The following DIP2C variants were observed in gnomAD, a reference collection of about 807,000 sequenced individuals.
DIP2C encodes the protein DIP2 acetate--CoA ligase C (putative), also known as disco-interacting protein 2 homolog C.
Under a neutral mutation model 192.4 loss-of-function variants are expected in DIP2C, and 33 were observed. The ratio of observed to expected loss-of-function variants is 0.17; its 90% CI spans 0.13 to 0.23. DIP2C has a LOEUF of 0.23. Ranked by LOEUF, DIP2C falls within the 10% of genes least tolerant of loss-of-function variation. DIP2C has a pLI of 1.00. For missense variants in DIP2C, 1,537 were observed against 2,110.1 expected (o/e 0.73, Z 5.32); for synonymous variants, 979 against 864.1 (o/e 1.13, Z -2.33).
In DIP2C at chr10:421,827, A is replaced by G. The variant is rs1293605368; in HGVS notation, c.604+997T>C. On this transcript the variant is annotated intron_variant, in intron 5 of 36. Coordinates refer to ENST00000280886, the MANE Select transcript of DIP2C (RefSeq NM_014974.3). ...AGCAGCAGTTATTGGGAAAAGTGAG[A>G]CAGACCCAGCTCTCCTGCCAGCAAA... is the stretch of plus-strand genomic sequence containing the variant. 2.0e-5 allele frequency among the ~76,000 whole-genome samples: 3 copies of G among 152,286 alleles called. No individual in the cohort carries two copies. The East Asian group carries it at 5.8e-4, about 29-fold the overall frequency.
intron 4 of DIP2C, among the ~76,000 whole-genome samples, chr10:428,163 CAT>C (rs1966716852): frequency 1.3e-5 from 2 of 152,058 alleles, no homozygotes; most frequent in African/African-American, 2.4e-5. Context: ...GATTTTATAT[CAT>C]AAAATTCTAA....
At chr10:304,818 C>G (rs771072465) in intron 32 of DIP2C, among the ~76,000 whole-genome samples, 166 of 150,324 alleles carry the variant, frequency 1.1e-3, no homozygotes, top group Non-Finnish European at 2.0e-3. Context: ...TGGGAGTGCA[C>G]TTGCATTCTT....
Position 434,325 on chromosome 10 carries a change from G to A in DIP2C, c.394+6546C>T, listed in dbSNP as rs1019436187. On this transcript the variant is annotated intron_variant, in intron 4 of 36. Coordinates refer to ENST00000280886, the MANE Select transcript of DIP2C (RefSeq NM_014974.3). ...TCAAGGTCTTGCTCTGTTGCCCAGG[G>A]TGGAGTAGAGTGGCATCATTATAGC... is the stretch of plus-strand genomic sequence containing the variant. 1.2e-4 allele frequency among the ~76,000 whole-genome samples: 19 copies of A among 152,208 alleles called. No homozygotes were observed. The South Asian group carries it at 2.1e-3, about 17-fold the overall frequency.
chr10:336,872 C>CCTAGACTGGTGTGTGTGT (rs1957796893), intron 29 of DIP2C, among the ~76,000 whole-genome samples: 2 of 139,522 alleles, frequency 1.4e-5, no homozygotes, highest in African/African-American at 2.7e-5. Context: ...GGTGTGTGTG[C>CCTAGACTGGTGTGTGTGT]GCGTGTTGTG....
chr10:510,748 C>T (rs1452125544), intron 1 of DIP2C, among the ~76,000 whole-genome samples: 1 of 152,248 alleles, frequency 6.6e-6, no homozygotes, highest in Non-Finnish European at 1.5e-5. Context: ...CCTGCTGTTT[C>T]CAGCGCCTCC....
At chr10:294,529 G>T (rs969912189) in intron 32 of DIP2C, among the ~76,000 whole-genome samples, 6 of 151,826 alleles carry the variant, frequency 4.0e-5, no homozygotes, top group Non-Finnish European at 4.4e-5. Flanking sequence ...GTGAGGCAGA[G>T]GTCACAGTGA....
chr10:321,650 G>A (rs1957033537), intron 31 of DIP2C, among the ~76,000 whole-genome samples: 1 of 83,998 alleles, frequency 1.2e-5, no homozygotes, highest in Non-Finnish European at 2.2e-5. Flanking sequence ...CGAGAGACCG[G>A]CGCTGTTAGA....
chr10:488,467 A>G (rs1161369361), intron 1 of DIP2C, among the ~76,000 whole-genome samples: 1 of 152,192 alleles, frequency 6.6e-6, no homozygotes, highest in Non-Finnish European at 1.5e-5. Flanking sequence ...AGGACCACAA[A>G]TCTAAGACAA....
At chr10:632,443 T>C (rs1433457507) in intron 1 of DIP2C, among the ~76,000 whole-genome samples, 2 of 126,618 alleles carry the variant, frequency 1.6e-5, no homozygotes, top group East Asian at 2.4e-4. Context: ...CGGGCACCGG[T>C]GTGAACTCAG....
intron 1 of DIP2C, among the ~76,000 whole-genome samples, chr10:609,564 CCTTTAT>C (rs1473561323): frequency 6.6e-6 from 1 of 152,172 alleles, no homozygotes; most frequent in Non-Finnish European, 1.5e-5. Flanking sequence ...TAAGTCATCT[CCTTTAT>C]CTTTGACATG....
chr10:418,319 T>C (rs1240458317), intron 6 of DIP2C, among the ~76,000 whole-genome samples: 3 of 149,040 alleles, frequency 2.0e-5, no homozygotes, highest in African/African-American at 7.5e-5. Flanking sequence ...GGCCTCCCTG[T>C]CCACTGTGCC....
At chr10:311,595 A>AGAGAG (rs775393376) in intron 31 of DIP2C, 2 of 1,232,456 alleles carry the variant, frequency 1.6e-6, no homozygotes, top group African/African-American at 1.5e-5. Flanking sequence ...GAGGACGAGA[A>AGAGAG]GAGAGGAGAG....
At chr10:650,736 C>T in intron 1 of DIP2C, 3 of 640,230 alleles carry the variant, frequency 4.7e-6, no homozygotes, top group African/African-American at 1.8e-5. Context: ...GACCCCCCCT[C>T]ATGCTCACTT....
intron 1 of DIP2C, among the ~76,000 whole-genome samples, chr10:514,471 G>C (rs909252058): frequency 5.3e-5 from 8 of 152,168 alleles, no homozygotes; most frequent in African/African-American, 1.9e-4. Context: ...AACCCTGCAG[G>C]GCCGTTCGCA....
intron 7 of DIP2C, among the ~76,000 whole-genome samples, chr10:414,747 A>AATGTG (rs1189627847): frequency 5.0e-5 from 6 of 119,960 alleles, no homozygotes; most frequent in African/African-American, 1.6e-4. Flanking sequence ...GTGTACATAT[A>AATGTG]TATATATATA....
At chr10:288,731 C>G (rs1436723193) in intron 32 of DIP2C, among the ~76,000 whole-genome samples, 3 of 152,210 alleles carry the variant, frequency 2.0e-5, no homozygotes, top group Non-Finnish European at 4.4e-5. Flanking sequence ...ACACGGATTA[C>G]AGAGTTTCCT....
chr10:578,000 T>C (rs1850284618), intron 1 of DIP2C, among the ~76,000 whole-genome samples: 1 of 152,198 alleles, frequency 6.6e-6, no homozygotes, highest in Non-Finnish European at 1.5e-5. Context: ...TTCCCAAAGG[T>C]GTGGAAAACT....
In DIP2C at chr10:276,722, G is replaced by A. The variant is rs1164694794; in HGVS notation, c.*603C>T. The A allele has an allele frequency of 1.3e-5, 2 of 152,580 alleles. No homozygotes were observed. The highest frequency in any genetic ancestry group is 2.9e-5 in the Non-Finnish European group (2 of 68,108). 9.5% of individuals were successfully genotyped at this position (152,580 alleles called of 1,614,324 possible). ...TTTCTTCTCATTCTATACTAACTTC[G>A]AAGGCCGTATACCAGCCTTTGTTTC... On this transcript the variant is annotated 3_prime_UTR_variant, in exon 37 of 37. Transcript: ENST00000280886.
intron 1 of DIP2C, among the ~76,000 whole-genome samples, chr10:559,645 G>T (rs1291702405): frequency 6.6e-6 from 1 of 152,216 alleles, no homozygotes; most frequent in Non-Finnish European, 1.5e-5. Flanking sequence ...GCCCAGATGA[G>T]CTCAGGTTCT....
Sources: gnomAD v4.1 joint callset for allele counts (sites outside exome capture counted in the v4.1 genomes callset) on GRCh38, gnomAD v4.1.1 for gene constraint, MANE v1.5 for transcripts, NCBI Gene and HGNC (gene_info 2026-07-23, HGNC 2026-07-21) for gene names.